The following ESRRG variants were observed in gnomAD, a reference collection of about 807,000 sequenced individuals.
The protein encoded by ESRRG is estrogen related receptor gamma, also known as estrogen-related receptor gamma.
ESRRG carries 13 observed loss-of-function variants against 44.0 expected under a neutral mutation model. The ratio of observed to expected loss-of-function variants is 0.30; its 90% confidence interval spans 0.19 to 0.47. ESRRG has a LOEUF of 0.47. ESRRG is among the 20% of genes least tolerant of loss of function. The probability of loss-of-function intolerance (pLI) is 1.00; values close to 1 mark genes in which losing one functional copy is unlikely to be tolerated. For synonymous variants in ESRRG, 215 were observed against 214.6 expected, an observed-to-expected ratio of 1.00 and a Z score of -0.02; for missense variants, 395 against 580.6, an observed-to-expected ratio of 0.68 and a Z score of 3.29.
intron 1 of ESRRG, among the ~76,000 whole-genome samples, chr1:217,052,051 A>G (rs563718523): frequency 6.6e-6 from 1 of 152,104 alleles, no homozygotes; most frequent in Non-Finnish European, 1.5e-5. Flanking sequence ...GATTACAGGC[A>G]CGAGCCACTA....
chr1:216,936,286 G>A lies in ESRRG; in HGVS notation c.-14+3296C>T, dbSNP rs535282163. On this transcript the variant is annotated intron_variant, in intron 2 of 7. Transcript: ENST00000359162. ...TCCAAGAAACAACAATATGGTTGTC[G>A]TACTTGTACTGAGGTATAATCATGA... 8.5e-5 allele frequency among the ~76,000 whole-genome samples: 13 copies of A among 152,050 alleles called. No homozygotes were observed. In the South Asian group the frequency reaches 1.0e-3, roughly 12 times the overall value.
At chr1:216,732,296 T>G (rs1406389166) in intron 2 of ESRRG, among the ~76,000 whole-genome samples, 1 of 152,118 alleles carries the variant, frequency 6.6e-6, no homozygotes, top group Admixed American at 6.5e-5. Flanking sequence ...CCCCATTTTA[T>G]AGATGACACT....
intron 2 of ESRRG, among the ~76,000 whole-genome samples, chr1:216,740,144 T>C (rs2090486238): frequency 6.6e-6 from 1 of 152,200 alleles, no homozygotes; most frequent in African/African-American, 2.4e-5. Flanking sequence ...AATTCTCTAT[T>C]TTGAATGAAT....
intron 2 of ESRRG, among the ~76,000 whole-genome samples, chr1:216,875,169 A>G (rs890829840): frequency 6.6e-6 from 1 of 152,158 alleles, no homozygotes; most frequent in Non-Finnish European, 1.5e-5. Flanking sequence ...CTCTTCCTCT[A>G]GAGAACCCTA....
chr1:216,944,512 T>G (rs546870886), intron 1 of ESRRG, among the ~76,000 whole-genome samples: 1 of 152,260 alleles, frequency 6.6e-6, no homozygotes, highest in East Asian at 1.9e-4. Flanking sequence ...AGAATACTAT[T>G]AATGCACCCA....
intron 1 of ESRRG, among the ~76,000 whole-genome samples, chr1:216,994,911 A>G (rs2076190239): frequency 6.6e-6 from 1 of 152,128 alleles, no homozygotes. Flanking sequence ...AAATTTGCCT[A>G]CAACCCTCAG....
intron 3 of ESRRG, among the ~76,000 whole-genome samples, chr1:216,621,946 C>T (rs1245420857): frequency 6.6e-6 from 1 of 152,302 alleles, no homozygotes; most frequent in South Asian, 2.1e-4. Flanking sequence ...GCTTACTAGA[C>T]TGCGCCTATC....
intron 1 of ESRRG, among the ~76,000 whole-genome samples, chr1:217,131,332 GAA>G (rs113025776): frequency 0.016 from 2,221 of 139,928 alleles, 62 homozygotes; most frequent in African/African-American, 0.054. Context: ...AAATAGCAAA[GAA>G]AAAAAAAAAC....
intron 1 of ESRRG, among the ~76,000 whole-genome samples, chr1:216,950,876 C>T (rs544031170): frequency 6.6e-6 from 1 of 152,112 alleles, no homozygotes; most frequent in African/African-American, 2.4e-5. Context: ...TAATATAGAA[C>T]TTGCATGAGA....
At chr1:217,081,605 T>G (rs2091775467) in intron 1 of ESRRG, among the ~76,000 whole-genome samples, 1 of 152,186 alleles carries the variant, frequency 6.6e-6, no homozygotes, top group Non-Finnish European at 1.5e-5. Flanking sequence ...TAGTTCTTTT[T>G]GTTTGGTTGG....
intron 2 of ESRRG, among the ~76,000 whole-genome samples, chr1:216,810,351 T>C (rs1338080778): frequency 1.3e-5 from 2 of 152,038 alleles, no homozygotes; most frequent in Non-Finnish European, 2.9e-5. Context: ...AATCCTTACA[T>C]GATTTCACAG....
chr1:216,935,410 T>G (rs1269083639), intron 2 of ESRRG, among the ~76,000 whole-genome samples: 1 of 152,172 alleles, frequency 6.6e-6, no homozygotes, highest in East Asian at 1.9e-4. Flanking sequence ...GAGAAACACT[T>G]GCTTGTACTG....
At chr1:216,938,751 C>A (rs2064611575) in intron 2 of ESRRG, among the ~76,000 whole-genome samples, 1 of 152,164 alleles carries the variant, frequency 6.6e-6, no homozygotes, top group South Asian at 2.1e-4. Context: ...CTCAGAGTAA[C>A]TAATACATCA....
chr1:216,989,811 C>T (rs2075411137), intron 1 of ESRRG, among the ~76,000 whole-genome samples: 1 of 152,128 alleles, frequency 6.6e-6, no homozygotes, highest in South Asian at 2.1e-4. Context: ...AAGGCACTTT[C>T]CACTGGAAAG....
intron 2 of ESRRG, among the ~76,000 whole-genome samples, chr1:216,876,786 C>G (rs1293522260): frequency 6.6e-6 from 1 of 152,088 alleles, no homozygotes; most frequent in Non-Finnish European, 1.5e-5. Flanking sequence ...GGCTGCAGTC[C>G]ACTGACCTAC....
intron 1 of ESRRG, among the ~76,000 whole-genome samples, chr1:217,135,919 C>T (rs920899723): frequency 6.6e-5 from 10 of 152,124 alleles, no homozygotes; most frequent in Admixed American, 3.3e-4. Flanking sequence ...CAAGATCCCC[C>T]CTTTTCTGGG....
chr1:216,654,349 A>G (rs955577601), intron 2 of ESRRG, among the ~76,000 whole-genome samples: 1 of 152,034 alleles, frequency 6.6e-6, no homozygotes, highest in Non-Finnish European at 1.5e-5. Context: ...AGAAAAAGCC[A>G]GGTGCGATGG....
chr1:216,704,532 G>C (rs988978591), intron 1 of ESRRG, among the ~76,000 whole-genome samples: 3 of 151,636 alleles, frequency 2.0e-5, no homozygotes, highest in Non-Finnish European at 4.4e-5. Flanking sequence ...CAAAATAAGA[G>C]GAAGAAGGAG....
intron 1 of ESRRG, among the ~76,000 whole-genome samples, chr1:217,127,075 A>G (rs1328102624): frequency 6.6e-6 from 1 of 152,168 alleles, no homozygotes; most frequent in Non-Finnish European, 1.5e-5. Context: ...TGTCAACTAT[A>G]CTCACGGTAT....
Sources: allele counts gnomAD v4.1 joint callset (sites outside exome capture counted in the v4.1 genomes callset), GRCh38; gene constraint gnomAD v4.1.1; transcripts MANE v1.5; gene names NCBI Gene and HGNC (gene_info 2026-07-23, HGNC 2026-07-21).